DTNA: variants seen among roughly 807,000 people sequenced by gnomAD.
DTNA encodes the protein dystrophin-related protein 3.
In DTNA, 43 loss-of-function variants were observed where a neutral mutation model predicts 100.7. The observed-to-expected ratio is 0.43, with a 90% CI of 0.33 to 0.55. DTNA has a LOEUF of 0.55. Ranked by LOEUF, DTNA falls within the 20% of genes least tolerant of loss-of-function variation. The pLI is 0.04. For missense variants in DTNA, 798 were observed against 953.9 expected, an observed-to-expected ratio of 0.84 and a Z score of 2.15; for synonymous variants, 349 against 347.9, an observed-to-expected ratio of 1.00 and a Z score of -0.04.
intron 1 of DTNA, among the ~76,000 whole-genome samples, chr18:34,500,620 C>A (rs748114738): frequency 2.6e-5 from 4 of 151,562 alleles, no homozygotes; most frequent in Non-Finnish European, 2.9e-5. Context: ...CCCACCCCCA[C>A]GCCCAGCTAA....
At chr18:34,768,106 C>A (rs1017373753) in intron 3 of DTNA, among the ~76,000 whole-genome samples, 2 of 152,074 alleles carry the variant, frequency 1.3e-5, no homozygotes, top group African/African-American at 4.8e-5. Context: ...GTGTTTTCAG[C>A]AATTAAAAGG....
intron 1 of DTNA, among the ~76,000 whole-genome samples, chr18:34,676,632 C>T (rs570447973): frequency 2.0e-5 from 3 of 151,980 alleles, no homozygotes; most frequent in African/African-American, 4.8e-5. Flanking sequence ...CTCAGATGTT[C>T]GAGACCAGCC....
At chr18:34,495,364 G>A (rs190235282) in intron 1 of DTNA, among the ~76,000 whole-genome samples, 1 of 152,188 alleles carries the variant, frequency 6.6e-6, no homozygotes, top group Non-Finnish European at 1.5e-5. Context: ...AATGATTAAA[G>A]TTGCATTTCA....
chr18:34,856,470 C>T (rs1436230171), intron 15 of DTNA, among the ~76,000 whole-genome samples: 1 of 152,162 alleles, frequency 6.6e-6, no homozygotes, highest in African/African-American at 2.4e-5. Context: ...TTTGGTGGAG[C>T]CAGTCAGGGT....
chr18:34,525,276 C>T (rs1414313772), intron 1 of DTNA, among the ~76,000 whole-genome samples: 1 of 152,056 alleles, frequency 6.6e-6, no homozygotes, highest in Non-Finnish European at 1.5e-5. Flanking sequence ...TTCTGGCCTC[C>T]AAAATCAGGG....
chr18:34,826,608 T>C (rs2095863857), intron 9 of DTNA, among the ~76,000 whole-genome samples: 2 of 152,214 alleles, frequency 1.3e-5, no homozygotes, highest in Admixed American at 6.5e-5. Context: ...CTGCTATAAT[T>C]AATGTCTCAT....
At chr18:34,700,779 T>C (rs745852592) in intron 1 of DTNA, among the ~76,000 whole-genome samples, 6 of 152,204 alleles carry the variant, frequency 3.9e-5, no homozygotes, top group African/African-American at 7.2e-5. Context: ...GGTTCATCAC[T>C]TTCCCATTTG....
chr18:34,821,899 T>C (rs768933417), intron 9 of DTNA, among the ~76,000 whole-genome samples: 1 of 152,200 alleles, frequency 6.6e-6, no homozygotes, highest in Non-Finnish European at 1.5e-5. Flanking sequence ...TATGAGACCT[T>C]CGTGGAAGCA....
chr18:34,548,191 A>T (rs1406230808), intron 1 of DTNA, among the ~76,000 whole-genome samples: 1 of 151,980 alleles, frequency 6.6e-6, no homozygotes, highest in African/African-American at 2.4e-5. Context: ...TTGTGCTATA[A>T]ATTTTGTAAT....
intron 1 of DTNA, chr18:34,662,928 T>C (rs950411562): frequency 6.6e-6 from 1 of 152,154 alleles, no homozygotes; most frequent in African/African-American, 2.4e-5. Context: ...AACTCTATCA[T>C]ATTATTTGCC....
intron 1 of DTNA, among the ~76,000 whole-genome samples, chr18:34,723,275 G>A (rs1032915014): frequency 6.6e-6 from 1 of 152,164 alleles, no homozygotes; most frequent in Non-Finnish European, 1.5e-5. Context: ...CGGCAACTCT[G>A]TCTGATCTAT....
chr18:34,745,988 A>G (rs2091508962), intron 1 of DTNA, among the ~76,000 whole-genome samples: 1 of 152,162 alleles, frequency 6.6e-6, no homozygotes, highest in Non-Finnish European at 1.5e-5. Context: ...CTTTGTTGGG[A>G]TGCCAAGTTT....
At chr18:34,616,865 G>A (rs2055396642) in intron 1 of DTNA, among the ~76,000 whole-genome samples, 1 of 152,000 alleles carries the variant, frequency 6.6e-6, no homozygotes, top group Non-Finnish European at 1.5e-5. Flanking sequence ...GTATTCTTAG[G>A]TATTTTATCT....
At chr18:34,607,708 T>C (rs1313812102) in intron 1 of DTNA, among the ~76,000 whole-genome samples, 1 of 152,220 alleles carries the variant, frequency 6.6e-6, no homozygotes, top group Non-Finnish European at 1.5e-5. Context: ...TCCTGATTTC[T>C]TCTCATGACC....
chr18:34,651,317 T>G (rs571607402), intron 1 of DTNA, among the ~76,000 whole-genome samples: 1 of 152,348 alleles, frequency 6.6e-6, no homozygotes, highest in East Asian at 1.9e-4. Context: ...TAAAACAAGG[T>G]AATACTTGAA....
intron 1 of DTNA, among the ~76,000 whole-genome samples, chr18:34,686,747 G>A (rs1568219227): frequency 6.6e-6 from 1 of 151,764 alleles, no homozygotes; most frequent in Non-Finnish European, 1.5e-5. Context: ...GGTAGAATTT[G>A]GCTATGAATC....
intron 1 of DTNA, among the ~76,000 whole-genome samples, chr18:34,753,366 ATTTTTTTTTTTTTTTTATT>A (rs1482939161): frequency 0.013 from 1,713 of 133,154 alleles, 66 homozygotes; most frequent in African/African-American, 0.017. Context: ...TATTTATTTT[ATTTTTTTTTTTTTTTTATT>A]TTTTATTTTT....
intron 1 of DTNA, among the ~76,000 whole-genome samples, chr18:34,689,627 G>A (rs1311895181): frequency 6.6e-6 from 1 of 152,202 alleles, no homozygotes. Context: ...GGGTGTCAGG[G>A]ACCCACTTGA....
At chr18:34,859,429 C>T (rs746319197) in intron 16 of DTNA, among the ~76,000 whole-genome samples, 2 of 152,122 alleles carry the variant, frequency 1.3e-5, no homozygotes, top group Non-Finnish European at 2.9e-5. Flanking sequence ...TGGAGGTTTC[C>T]CATTAGTTAT....
Sources: gnomAD v4.1 joint callset for allele counts (sites outside exome capture counted in the v4.1 genomes callset) on GRCh38, gnomAD v4.1.1 for gene constraint, MANE v1.5 for transcripts, NCBI Gene and HGNC (gene_info 2026-07-23, HGNC 2026-07-21) for gene names.